The following DCC variants were observed in gnomAD, a reference collection of about 807,000 sequenced individuals.
The protein encoded by DCC is netrin receptor DCC.
A neutral mutation model predicts 172.5 loss-of-function variants in DCC; 58 were observed. The observed-to-expected ratio is 0.34, with a 90% CI of 0.27 to 0.42. DCC has a LOEUF of 0.42. DCC is among the 10% of genes least tolerant of loss of function. DCC has a pLI of 1.00. For synonymous variants in DCC, 709 were observed against 644.5 expected (o/e 1.10, Z -1.52); for missense variants, 1,740 against 1,791.0 (o/e 0.97, Z 0.51).
chr18:53,344,886 G>GAAA (rs201958177), intron 15 of DCC, among the ~76,000 whole-genome samples: 2 of 132,634 alleles, frequency 1.5e-5, no homozygotes, highest in African/African-American at 2.9e-5. Context: ...CTCTGTCTTG[G>GAAA]AAAAAAAAAA....
intron 2 of DCC, among the ~76,000 whole-genome samples, chr18:52,788,327 T>C (rs9941411): frequency 0.043 from 6,555 of 152,246 alleles, 218 homozygotes; most frequent in South Asian, 0.16. Context: ...AAAAACCTGG[T>C]TAGTAAGCAA....
chr18:52,684,197 T>G (rs760217911), intron 1 of DCC, among the ~76,000 whole-genome samples: 2 of 152,118 alleles, frequency 1.3e-5, no homozygotes, highest in Non-Finnish European at 2.9e-5. Context: ...TGAGGTTATA[T>G]TCTGTGGATA....
intron 1 of DCC, among the ~76,000 whole-genome samples, chr18:52,590,712 A>C (rs1302797476): frequency 6.6e-6 from 1 of 152,230 alleles, no homozygotes; most frequent in Admixed American, 6.5e-5. Flanking sequence ...CAGTGGCCCG[A>C]TTCCCAGTGC....
chr18:52,561,987 G>T (rs2033050405), intron 1 of DCC, among the ~76,000 whole-genome samples: 1 of 152,136 alleles, frequency 6.6e-6, no homozygotes, highest in African/African-American at 2.4e-5. Context: ...ATGGTTAATT[G>T]TCTGCTATCC....
chr18:52,346,506 A>G (rs1172448745), intron 1 of DCC, among the ~76,000 whole-genome samples: 1 of 152,226 alleles, frequency 6.6e-6, no homozygotes, highest in Non-Finnish European at 1.5e-5. Context: ...CTATTAAGTG[A>G]AAGTGTTTTC....
intron 1 of DCC, among the ~76,000 whole-genome samples, chr18:52,456,603 A>G (rs541734173): frequency 1.4e-4 from 21 of 152,352 alleles, no homozygotes; most frequent in African/African-American, 4.8e-4. Flanking sequence ...TATTTTTAGT[A>G]GGCCCAATGT....
chr18:53,359,202 G>T (rs148787764), intron 15 of DCC, among the ~76,000 whole-genome samples: 1 of 152,090 alleles, frequency 6.6e-6, no homozygotes, highest in African/African-American at 2.4e-5. Context: ...GGTTTTGGAG[G>T]TTCAAAAATT....
intron 1 of DCC, among the ~76,000 whole-genome samples, chr18:52,584,543 C>T (rs1442351): frequency 4.6e-5 from 7 of 152,068 alleles, no homozygotes; most frequent in Middle Eastern, 3.2e-3. Context: ...TTTAGACTAA[C>T]GCACAGATAT....
intron 12 of DCC, among the ~76,000 whole-genome samples, chr18:53,280,170 T>A (rs1332216656): frequency 6.6e-6 from 1 of 152,186 alleles, no homozygotes; most frequent in Non-Finnish European, 1.5e-5. Context: ...GCTTGTTAAA[T>A]GAATACATGT....
chr18:52,919,888 A>G (rs577617088), intron 3 of DCC, among the ~76,000 whole-genome samples: 26 of 152,152 alleles, frequency 1.7e-4, no homozygotes, highest in Non-Finnish European at 3.1e-4. Context: ...TAATAGATCC[A>G]TGGAACAGAG....
intron 1 of DCC, among the ~76,000 whole-genome samples, chr18:52,700,216 G>A (rs761448175): frequency 1.3e-4 from 6 of 44,990 alleles, no homozygotes; most frequent in Admixed American, 2.1e-4. Flanking sequence ...ACATGCACAT[G>A]TGCACACACA....
intron 8 of DCC, among the ~76,000 whole-genome samples, chr18:53,171,495 G>A (rs1276329792): frequency 1.3e-5 from 2 of 152,206 alleles, no homozygotes; most frequent in African/African-American, 4.8e-5. Flanking sequence ...AGTATGAATT[G>A]TCCATATCAA....
chr18:53,350,236 C>G (rs1599051122), intron 15 of DCC, among the ~76,000 whole-genome samples: 1 of 152,124 alleles, frequency 6.6e-6, no homozygotes, highest in African/African-American at 2.4e-5. Flanking sequence ...CGAACTCGTT[C>G]ACCGCCATTG....
chr18:53,424,814 CAG>C (rs1202102907), intron 21 of DCC, among the ~76,000 whole-genome samples: 1 of 152,182 alleles, frequency 6.6e-6, no homozygotes, highest in Admixed American at 6.6e-5. Context: ...TACCTTATGG[CAG>C]AGACCTATGT....
chr18:52,823,300 C>T (rs904431779), intron 2 of DCC, among the ~76,000 whole-genome samples: 2 of 152,054 alleles, frequency 1.3e-5, no homozygotes, highest in Non-Finnish European at 2.9e-5. Context: ...CACTGTCTCT[C>T]AAAAGAAAAC....
chr18:53,083,680 G>A (rs2144143265), intron 7 of DCC, among the ~76,000 whole-genome samples: 1 of 152,226 alleles, frequency 6.6e-6, no homozygotes, highest in African/African-American at 2.4e-5. Context: ...CTTCTCTTTA[G>A]AGAGCATCAT....
intron 1 of DCC, among the ~76,000 whole-genome samples, chr18:52,409,575 C>G (rs1986774139): frequency 6.6e-6 from 1 of 152,112 alleles, no homozygotes; most frequent in Non-Finnish European, 1.5e-5. Flanking sequence ...ACTTACATGC[C>G]ACTTGCTTGC....
At chr18:52,431,524 AAAG>A (rs1324475446) in intron 1 of DCC, among the ~76,000 whole-genome samples, 1 of 152,266 alleles carries the variant, frequency 6.6e-6, no homozygotes, top group East Asian at 1.9e-4. Flanking sequence ...TGTGTTCTCA[AAAG>A]AAGAAGAAAA....
intron 3 of DCC, among the ~76,000 whole-genome samples, chr18:52,909,227 TTACATATATAA>T (rs1452536318): frequency 6.6e-6 from 1 of 152,146 alleles, no homozygotes; most frequent in Non-Finnish European, 1.5e-5. Flanking sequence ...CAGTAATAAA[TTACATATATAA>T]TACATATGTG....
Sources: allele counts gnomAD v4.1 joint callset (sites outside exome capture counted in the v4.1 genomes callset), GRCh38; gene constraint gnomAD v4.1.1; transcripts MANE v1.5; gene names NCBI Gene and HGNC (gene_info 2026-07-23, HGNC 2026-07-21).